The following SUPT6H variants were observed in gnomAD, a reference collection of about 807,000 sequenced individuals.
The protein encoded by SUPT6H is transcription elongation factor SPT6.
Under a neutral mutation model 222.3 loss-of-function variants are expected in SUPT6H, and 11 were observed. The ratio of observed to expected loss-of-function variants is 0.05; its 90% CI spans 0.03 to 0.08. SUPT6H has a LOEUF of 0.08. Ranked by LOEUF, SUPT6H falls within the 10% of genes least tolerant of loss-of-function variation. The pLI is 1.00. For synonymous variants in SUPT6H, 762 were observed against 801.2 expected, an observed-to-expected ratio of 0.95 and a Z score of 0.83; for missense variants, 1,422 against 2,216.0, an observed-to-expected ratio of 0.64 and a Z score of 7.19.
chr17:28,686,920 C>A (rs959203544), intron 21 of SUPT6H, 131 bp downstream of exon 21: 1 of 1,470,650 alleles, frequency 6.8e-7, no homozygotes, highest in Non-Finnish European at 9.1e-7. Flanking sequence ...AGAAGTTCTC[C>A]GTTTTGCAGT....
In SUPT6H at chr17:28,701,636, C is replaced by T. The variant is rs1350154737; in HGVS notation, c.*11C>T. ...GAGATGGATCGGTAGGGGGCCTGCT[C>T]CTCGGACTCTGGTTACCTCTGAGGC... is the stretch of plus-strand genomic sequence containing the variant. On this transcript the variant is annotated 3_prime_UTR_variant, in exon 37 of 37. Transcript: ENST00000314616. 9 of 1,596,670 alleles carry T rather than the reference C, an allele frequency of 5.6e-6. No homozygotes were observed. The highest frequency in any genetic ancestry group is 4.0e-5 in the African/African-American group (3 of 74,616).
intron 1 of SUPT6H, among the ~76,000 whole-genome samples, chr17:28,667,442 T>C (rs1311821661): frequency 2.2e-5 from 3 of 139,378 alleles, no homozygotes; most frequent in Non-Finnish European, 4.6e-5. Context: ...TATATGTATG[T>C]GTGTGTGTAT....
intron 17 of SUPT6H, 132 bp from the exon 18 acceptor site, chr17:28,684,454 C>T: frequency 1.8e-6 from 2 of 1,101,892 alleles, no homozygotes; most frequent in African/African-American, 1.6e-5. Context: ...CTGCCAATGG[C>T]TAGGAACATC....
chr17:28,674,537 C>A lies in SUPT6H; in HGVS notation c.269C>A (p.Thr90Asn). 6.2e-7 allele frequency: 1 copy of A among 1,614,164 alleles called. No homozygotes were observed. The highest frequency in any genetic ancestry group is 8.5e-7 in the Non-Finnish European group (1 of 1,180,024). Residue 90 changes from threonine (T) to asparagine (N), a missense_variant and splice_region_variant, in exon 4 of 37, where the codon ACC becomes AAC. Physicochemically the swap from Thr to Asn is moderately conservative, Grantham distance 65. Around this residue, in one of 13 missense-constraint regions of SUPT6H, gnomAD observed 89 missense variants for 118.9 expected, o/e 0.75. Coordinates refer to ENST00000314616, the MANE Select transcript of SUPT6H (RefSeq NM_003170.5). ...DDVGHKKRKR[T>N]SFDDRLEDDD... ...CATGGGCAACACTTTGTTTCTTCAG[C>A]CTCTTTTGATGACCGCCTGGAGGAT...
chr17:28,689,498 G>C lies in SUPT6H; in HGVS notation c.3279G>C (p.Leu1093Phe). The change falls in exon 25 of 37, where the codon TTG (leucine) becomes TTC (phenylalanine). Residue 1093 changes from leucine (L) to phenylalanine (F), a missense_variant. Around this residue, in one of 13 missense-constraint regions of SUPT6H, gnomAD observed 16 missense variants for 88.5 expected, o/e 0.18. Coordinates refer to ENST00000314616, the MANE Select transcript of SUPT6H (RefSeq NM_003170.5). ...CTGCAGGAGCCCTTGAAGAAATCTTGGAAAACCCAGAGCGACTGAAAGACC... is the reference window on the plus strand; with the variant it reads ...CTGCAGGAGCCCTTGAAGAAATCTTCGAAAACCCAGAGCGACTGAAAGACC... The part of the protein sequence containing the change: ...ANPAGALEEI[L>F]ENPERLKDLD... 1 of 1,614,166 alleles carries C rather than the reference G, an allele frequency of 6.2e-7. No homozygotes were observed. Among genetic ancestry groups the C allele is most frequent in the Non-Finnish European group, 8.5e-7 (1 of 1,180,034 alleles).
chr17:28,699,724 C>T (rs2032057130), intron 32 of SUPT6H, 57 bp from the exon 33 acceptor site: 2 of 1,433,036 alleles, frequency 1.4e-6, no homozygotes, highest in Non-Finnish European at 2.0e-6. Flanking sequence ...CTGTTCTGGT[C>T]GCTCTTGTGG....
chr17:28,663,467 C>T (rs1205379530), intron 1 of SUPT6H, among the ~76,000 whole-genome samples: 1 of 152,196 alleles, frequency 6.6e-6, no homozygotes, highest in East Asian at 1.9e-4. Flanking sequence ...TCAAATTTTA[C>T]AGTTCTTCCT....
At chr17:28,677,315 G>A (rs1029282830) in intron 7 of SUPT6H, among the ~76,000 whole-genome samples, 6 of 151,912 alleles carry the variant, frequency 3.9e-5, no homozygotes, top group African/African-American at 7.3e-5. Context: ...CCTGGGAGGC[G>A]GAGGTTACAG....
In SUPT6H at chr17:28,683,825, A is replaced by G; in HGVS notation, c.2229+9A>G. 2 of 1,579,780 alleles carry G rather than the reference A, an allele frequency of 1.3e-6. No homozygotes were observed. The highest frequency in any genetic ancestry group is 1.2e-5 in the South Asian group (1 of 85,460). ...AGGAATATGTCATAAAGGTGAGGAC[A>G]GAGACTCATGATTTTTTTTTTTTTT... On this transcript the variant is annotated intron_variant, in intron 17 of 36. Transcript: ENST00000314616.
chr17:28,673,643 A>G, intron 2 of SUPT6H, 133 bp downstream of exon 2: 1 of 674,246 alleles, frequency 1.5e-6, no homozygotes, highest in Non-Finnish European at 2.6e-6. Flanking sequence ...ACTTTCAGTC[A>G]TTCTTAGCAG....
chr17:28,676,577 G>C, intron 7 of SUPT6H, 147 bp downstream of exon 7: 1 of 1,266,446 alleles, frequency 7.9e-7, no homozygotes, highest in South Asian at 1.5e-5. Flanking sequence ...TCTTAGAGAA[G>C]GGAAGATAGA....
intron 1 of SUPT6H, chr17:28,671,231 C>T (rs181518853): frequency 5.3e-5 from 8 of 152,232 alleles, no homozygotes; most frequent in South Asian, 2.1e-4. Flanking sequence ...AATATGAAAA[C>T]GTAAGTAGTT....
Position 28,688,414 on chromosome 17 carries a change from C to T in SUPT6H, c.3134+196C>T. 2.0e-6 allele frequency: 1 copy of T among 488,346 alleles called. No homozygotes were observed. The highest frequency in any genetic ancestry group is 6.5e-5 in the South Asian group (1 of 15,496). The allele number at this position is 488,346 out of a possible 1,614,324, so 30.3% of individuals were successfully genotyped here. A position where few individuals can be genotyped will look rare whatever the true frequency, so the allele number is the denominator to read the frequency against. Reference sequence around the variant, plus strand: ...CGGTTCAATCATGTGAAACATTTTTCGTGTGAGAGAAACATAAAAAGTACC... The same window carrying T: ...CGGTTCAATCATGTGAAACATTTTTTGTGTGAGAGAAACATAAAAAGTACC... On this transcript the variant is annotated intron_variant, in intron 24 of 36. Transcript: ENST00000314616. This position sits in a 1 kb window ranked among gnomAD's most constrained non-coding sequence, Gnocchi z 4.3.
At chr17:28,695,283 C>T in intron 28 of SUPT6H, 69 bp from the exon 29 acceptor site, 1 of 1,508,616 alleles carries the variant, frequency 6.6e-7, no homozygotes, top group South Asian at 1.3e-5. Flanking sequence ...TTGGTTTTCT[C>T]ATGGGTGAAA....
In SUPT6H at chr17:28,697,897, T is replaced by C. The variant is rs763057491; in HGVS notation, c.4324-9T>C. On this transcript the variant is annotated splice_polypyrimidine_tract_variant and intron_variant, in intron 31 of 36. Coordinates refer to ENST00000314616, the MANE Select transcript of SUPT6H (RefSeq NM_003170.5). Reference sequence around the variant, plus strand: ...CTATCCCAACCTCTCCCCCTCATTCTACCCCCAGAAATTAGAGGAGCTGCT... The same window carrying C: ...CTATCCCAACCTCTCCCCCTCATTCCACCCCCAGAAATTAGAGGAGCTGCT... The C allele has an allele frequency of 6.2e-7, 1 of 1,613,812 alleles. No individual in the cohort carries two copies. The highest frequency in any genetic ancestry group is 8.5e-7 in the Non-Finnish European group (1 of 1,179,874).
At position 28,686,410 on chromosome 17, in the gene SUPT6H, G is replaced by A. The variant is rs1214481920; in HGVS notation, c.2559G>A (p.Glu853=). 6.2e-7 allele frequency: 1 copy of A among 1,614,142 alleles called. No homozygotes were observed. ...KKPHVVTVAG[E]NRDAQMLIED... is the part of the protein sequence containing the mutation. ...CTCATGTAGTGACAGTTGCAGGAGA[G>A]AACAGGTAGGTAGGGATTAGACCAC... The change falls in exon 20 of 37, where the codon GAG becomes GAA. Residue 853 remains glutamate (E), a synonymous_variant. Coordinates refer to ENST00000314616, the MANE Select transcript of SUPT6H (RefSeq NM_003170.5).
intron 27 of SUPT6H, among the ~76,000 whole-genome samples, chr17:28,692,256 G>A (rs1337725351): frequency 3.3e-5 from 5 of 149,530 alleles, no homozygotes; most frequent in Admixed American, 1.3e-4. Context: ...CCCGGGAGGC[G>A]GAGCCTGCAG....
rs763409848 is a variant in SUPT6H, at chr17:28,674,642, T to TG, written c.345+34dup. On this transcript the variant is annotated intron_variant, in intron 4 of 36. Transcript: ENST00000314616. ...AGTGTCATTCTTTGTCTTTTGTCCC[T>TG]GGGGGTAAAGGAAAAAGCCCTGGAA... is the stretch of plus-strand genomic sequence containing the variant. 1.2e-5 allele frequency: 20 copies of TG among 1,607,136 alleles called. No individual in the cohort carries two copies. In the Admixed American group the frequency reaches 3.3e-4, roughly 27 times the overall value.
chr17:28,694,368 C>A (rs2031803228), intron 28 of SUPT6H, among the ~76,000 whole-genome samples: 1 of 152,182 alleles, frequency 6.6e-6, no homozygotes, highest in South Asian at 2.1e-4. Context: ...CCACTAGATA[C>A]CAGCACTGAC....
Sources: gnomAD v4.1 joint callset for allele counts (sites outside exome capture counted in the v4.1 genomes callset) on GRCh38, gnomAD v4.1.1 for gene constraint, gnomAD v4.1.1 regional missense constraint, Gnocchi (gnomAD v3.1) non-coding constraint, MANE v1.5 for transcripts, NCBI Gene and HGNC (gene_info 2026-07-23, HGNC 2026-07-21) for gene names.